MICAL3: variants seen among roughly 807,000 people sequenced by gnomAD.
MICAL3 encodes microtubule associated monooxygenase, calponin and LIM domain containing 3, also known as [F-actin]-monooxygenase MICAL3.
A neutral mutation model predicts 207.4 loss-of-function variants in MICAL3; 62 were observed. The observed-to-expected ratio is 0.30, with a 90% CI of 0.24 to 0.37. The LOEUF (loss-of-function observed/expected upper bound fraction) is 0.37, where lower values mean the gene tolerates loss of function less well. MICAL3 is among the 10% of genes least tolerant of loss of function. The probability of loss-of-function intolerance (pLI) is 1.00; values close to 1 mark genes in which losing one functional copy is unlikely to be tolerated. For missense variants in MICAL3, 2,368 were observed against 2,635.6 expected, an observed-to-expected ratio of 0.90 and a Z score of 2.22; for synonymous variants, 1,077 against 1,069.3, an observed-to-expected ratio of 1.01 and a Z score of -0.14.
chr22:17,830,394 C>T (rs1039722143), intron 21 of MICAL3, among the ~76,000 whole-genome samples: 2 of 152,208 alleles, frequency 1.3e-5, no homozygotes, highest in African/African-American at 4.8e-5. Flanking sequence ...TTGGTCTTGA[C>T]GTTAGCACTA....
chr22:17,880,392 G>A (rs910098137), intron 16 of MICAL3, among the ~76,000 whole-genome samples: 6 of 152,224 alleles, frequency 3.9e-5, no homozygotes, highest in East Asian at 1.9e-4. Flanking sequence ...CGCTGAGGAC[G>A]GCTAGCTCTT....
chr22:17,971,593 C>T (rs1375532650), intron 1 of MICAL3, among the ~76,000 whole-genome samples: 1 of 152,152 alleles, frequency 6.6e-6, no homozygotes, highest in African/African-American at 2.4e-5. Flanking sequence ...ACACAGGCAC[C>T]AGACACTGTG....
At chr22:17,907,629 AGTGCACAG>A (rs1339470495) in intron 1 of MICAL3, among the ~76,000 whole-genome samples, 1 of 152,076 alleles carries the variant, frequency 6.6e-6, no homozygotes, top group African/African-American at 2.4e-5. Flanking sequence ...ACGAAAGGAG[AGTGCACAG>A]GGCAGAAGAG....
intron 16 of MICAL3, among the ~76,000 whole-genome samples, chr22:17,877,212 GTT>G (rs1928724004): frequency 9.2e-6 from 1 of 108,504 alleles, no homozygotes; most frequent in Admixed American, 1.0e-4. Flanking sequence ...GGTTATGGAG[GTT>G]ATGGAGGTTA....
chr22:17,827,213 G>C (rs1668358395), intron 22 of MICAL3, among the ~76,000 whole-genome samples: 2 of 151,908 alleles, frequency 1.3e-5, no homozygotes, highest in East Asian at 2.0e-4. Flanking sequence ...CTCCTGGACA[G>C]AAATCTCTTC....
Position 17,818,423 on chromosome 22 carries a change from CG to C in MICAL3, c.4237del (p.Arg1413AlafsTer25). 6.2e-7 allele frequency: 1 copy of C among 1,612,444 alleles called. No individual in the cohort carries two copies. Among genetic ancestry groups the C allele is most frequent in the Non-Finnish European group, 8.5e-7 (1 of 1,179,860 alleles). ...CTCCCTGCGCTCCTCCTGGGCGCTG[CG>C]TAGCTCTCTGTCGGACGGGGACCGG... ...TPRSPSDRELRSAQEERRELS... is the reference protein window; with the variant it reads ...TPRSPSDRELXSAQEERRELS... On this transcript the variant is annotated frameshift_variant, in exon 26 of 32. Transcript: ENST00000441493. LOFTEE classifies it high-confidence loss of function.
Position 17,832,068 on chromosome 22 carries a change from C to A in MICAL3, c.2841G>T (p.Glu947Asp). Residue 947 changes from glutamate (E) to aspartate (D), a missense_variant, in exon 21 of 32, where the codon GAG becomes GAT. Transcript: ENST00000441493. The part of the protein sequence containing the change: ...ESEMEEEGEE[E>D]EEEPRLPPSD... ...ATGGGGGCAGGCGAGGCTCCTCCTCCTCCTCCTCTCCCTCCTCCTCCATCT... is the reference window on the plus strand; with the variant it reads ...ATGGGGGCAGGCGAGGCTCCTCCTCATCCTCCTCTCCCTCCTCCTCCATCT... The A allele has an allele frequency of 6.3e-7, 1 of 1,590,642 alleles. No individual in the cohort carries two copies.
intron 1 of MICAL3, among the ~76,000 whole-genome samples, chr22:18,009,177 CAG>C (rs1316527067): frequency 1.0e-5 from 1 of 97,096 alleles, no homozygotes; most frequent in Non-Finnish European, 1.9e-5. Context: ...ATCACCAAAA[CAG>C]AGATTTCTAG....
At chr22:17,996,795 G>A (rs994973788) in intron 1 of MICAL3, among the ~76,000 whole-genome samples, 25 of 152,104 alleles carry the variant, frequency 1.6e-4, no homozygotes, top group Non-Finnish European at 3.4e-4. Flanking sequence ...CTGCATTGAA[G>A]TACACCGGAA....
chr22:17,949,223 T>C (rs1934220173), intron 1 of MICAL3, among the ~76,000 whole-genome samples: 1 of 152,006 alleles, frequency 6.6e-6, no homozygotes, highest in Non-Finnish European at 1.5e-5. Flanking sequence ...AATAAATAAA[T>C]AAATATAACA....
intron 1 of MICAL3, among the ~76,000 whole-genome samples, chr22:17,941,686 T>G (rs1933813897): frequency 6.6e-6 from 1 of 152,202 alleles, no homozygotes; most frequent in Non-Finnish European, 1.5e-5. Context: ...AAAAATGTAT[T>G]TTTACTATAC....
intron 1 of MICAL3, among the ~76,000 whole-genome samples, chr22:17,956,024 T>C (rs1477343347): frequency 6.6e-6 from 1 of 152,166 alleles, no homozygotes; most frequent in Non-Finnish European, 1.5e-5. Context: ...GGGAAGAAAA[T>C]GTCCAGGAAG....
At chr22:17,794,979 C>T (rs1007665272) in intron 29 of MICAL3, among the ~76,000 whole-genome samples, 7 of 152,208 alleles carry the variant, frequency 4.6e-5, no homozygotes, top group African/African-American at 1.7e-4. Context: ...TTGTTTTACT[C>T]AACAGAAGGC....
chr22:17,843,747 T>A (rs1264919375), intron 19 of MICAL3, among the ~76,000 whole-genome samples: 1 of 152,216 alleles, frequency 6.6e-6, no homozygotes. Context: ...ACTGTGTGCA[T>A]ACTCCTGGAA....
intron 1 of MICAL3, among the ~76,000 whole-genome samples, chr22:17,934,466 T>TA (rs1933419456): frequency 6.6e-6 from 1 of 152,096 alleles, no homozygotes; most frequent in South Asian, 2.1e-4. Flanking sequence ...CTGAAAATAA[T>TA]AAGAGTTATT....
chr22:17,843,650 C>T (rs1924310227), intron 19 of MICAL3, among the ~76,000 whole-genome samples: 1 of 152,240 alleles, frequency 6.6e-6, no homozygotes, highest in African/African-American at 2.4e-5. Context: ...GGTCACCTTC[C>T]TCTTCCACTT....
chr22:17,998,683 C>G (rs1215471246), intron 1 of MICAL3, among the ~76,000 whole-genome samples: 1 of 151,926 alleles, frequency 6.6e-6, no homozygotes, highest in Non-Finnish European at 1.5e-5. Context: ...GCCTCAGCCT[C>G]CCCAGTAGCT....
intron 1 of MICAL3, among the ~76,000 whole-genome samples, chr22:17,927,615 C>T (rs950175955): frequency 1.3e-5 from 2 of 152,182 alleles, no homozygotes; most frequent in East Asian, 3.8e-4. Context: ...CTGCCTGCTG[C>T]TCCAGGAACA....
chr22:17,882,656 T>A (rs1456150982), intron 16 of MICAL3, among the ~76,000 whole-genome samples: 1 of 152,226 alleles, frequency 6.6e-6, no homozygotes, highest in Non-Finnish European at 1.5e-5. Context: ...TTCACAGTGC[T>A]ATCTCCCTGC....
Sources: gnomAD v4.1 joint callset for allele counts (sites outside exome capture counted in the v4.1 genomes callset) on GRCh38, gnomAD v4.1.1 for gene constraint, MANE v1.5 for transcripts, NCBI Gene and HGNC (gene_info 2026-07-23, HGNC 2026-07-21) for gene names.